The following ATL2 variants were observed in gnomAD, a reference collection of about 807,000 sequenced individuals.
ATL2 encodes atlastin-2.
A neutral mutation model predicts 73.9 loss-of-function variants in ATL2; 31 were observed. The ratio of observed to expected loss-of-function variants is 0.42; its 90% CI spans 0.32 to 0.57. The LOEUF (loss-of-function observed/expected upper bound fraction) is 0.57, where lower values mean the gene tolerates loss of function less well. Ranked by LOEUF, ATL2 falls within the 20% of genes least tolerant of loss-of-function variation. The pLI, the probability that ATL2 is intolerant of heterozygous loss-of-function variation, is 0.14. For synonymous variants in ATL2, 291 were observed against 237.5 expected, an observed-to-expected ratio of 1.23 and a Z score of -2.07; for missense variants, 738 against 702.6, an observed-to-expected ratio of 1.05 and a Z score of -0.57.
chr2:38,376,311 G>T (rs763545397), intron 1 of ATL2: 51 of 1,278,676 alleles, frequency 4.0e-5, no homozygotes, highest in Non-Finnish European at 4.9e-5. Flanking sequence ...CGTCTTCGAG[G>T]GGGCAGGGGC....
chr2:38,369,587 ATTT>A (rs1047482576), intron 1 of ATL2, among the ~76,000 whole-genome samples: 1 of 146,142 alleles, frequency 6.8e-6, no homozygotes, highest in Admixed American at 6.8e-5. Flanking sequence ...TGCTCGGCCA[ATTT>A]TTTTTTTTTA....
chr2:38,372,264 C>A (rs1671734848), intron 1 of ATL2, among the ~76,000 whole-genome samples: 1 of 151,680 alleles, frequency 6.6e-6, no homozygotes, highest in Middle Eastern at 3.2e-3. Flanking sequence ...ATTCAACCAA[C>A]CAGGAATAGA....
chr2:38,325,286 G>A (rs1668535303), intron 2 of ATL2, among the ~76,000 whole-genome samples: 1 of 152,036 alleles, frequency 6.6e-6, no homozygotes, highest in Non-Finnish European at 1.5e-5. Flanking sequence ...GAGATCACAG[G>A]TCAAACCATC....
chr2:38,315,381 A>C, intron 4 of ATL2, 47 bp from the exon 5 acceptor site: 1 of 1,481,032 alleles, frequency 6.8e-7, no homozygotes, highest in Non-Finnish European at 8.9e-7. Flanking sequence ...TTTTGTTCTG[A>C]ATACCCAGCT....
intron 1 of ATL2, among the ~76,000 whole-genome samples, chr2:38,374,510 T>C (rs1671856493): frequency 6.6e-6 from 1 of 152,228 alleles, no homozygotes. Context: ...TGTAAAGCTC[T>C]AAACCACCAT....
intron 2 of ATL2, among the ~76,000 whole-genome samples, chr2:38,336,686 A>C (rs145019191): frequency 6.7e-4 from 102 of 152,356 alleles, no homozygotes; most frequent in African/African-American, 2.3e-3. Flanking sequence ...CAAATTGCCT[A>C]GTCTCGAATT....
At chr2:38,368,989 C>A (rs757576634) in intron 1 of ATL2, among the ~76,000 whole-genome samples, 2 of 152,156 alleles carry the variant, frequency 1.3e-5, no homozygotes, top group Non-Finnish European at 1.5e-5. Flanking sequence ...CAACTACAAT[C>A]AAAAAATTGC....
chr2:38,312,016 TAAAAG>T (rs1667781133), intron 7 of ATL2, among the ~76,000 whole-genome samples: 1 of 152,190 alleles, frequency 6.6e-6, no homozygotes, highest in Non-Finnish European at 1.5e-5. Context: ...ATTTTAAAAC[TAAAAG>T]AAAATTATAT....
At chr2:38,371,529 T>A (rs553013355) in intron 1 of ATL2, among the ~76,000 whole-genome samples, 3 of 151,074 alleles carry the variant, frequency 2.0e-5, no homozygotes, top group East Asian at 2.0e-4. Context: ...ACAAAATTTT[T>A]AAAAAAATTA....
chr2:38,332,577 C>T (rs2034359), intron 2 of ATL2, among the ~76,000 whole-genome samples: 64,070 of 152,058 alleles, frequency 0.42, 15,721 homozygotes, highest in African/African-American at 0.69. Context: ...ACCACTGAAC[C>T]GCACACTTTA....
chr2:38,297,169 T>C (rs1666941645), intron 12 of ATL2, among the ~76,000 whole-genome samples: 1 of 152,158 alleles, frequency 6.6e-6, no homozygotes, highest in South Asian at 2.1e-4. Context: ...GGTCACTTTA[T>C]AAAATAACAT....
chr2:38,342,730 A>T (rs1669795342), intron 2 of ATL2, among the ~76,000 whole-genome samples: 1 of 152,184 alleles, frequency 6.6e-6, no homozygotes, highest in Non-Finnish European at 1.5e-5. Context: ...GATAAACAGT[A>T]CTTCAGAGAC....
chr2:38,345,372 T>G (rs1462897686), intron 1 of ATL2, among the ~76,000 whole-genome samples: 2 of 152,316 alleles, frequency 1.3e-5, no homozygotes, highest in East Asian at 3.9e-4. Context: ...ATTAGTGGAT[T>G]TTTAATCTTA....
At chr2:38,314,989 G>A (rs996706365) in intron 5 of ATL2, among the ~76,000 whole-genome samples, 7 of 152,174 alleles carry the variant, frequency 4.6e-5, no homozygotes, top group Non-Finnish European at 8.8e-5. Context: ...AGCGGCTCAC[G>A]CCGGGTAATC....
chr2:38,336,883 T>A (rs958122087), intron 2 of ATL2, among the ~76,000 whole-genome samples: 1 of 152,190 alleles, frequency 6.6e-6, no homozygotes, highest in African/African-American at 2.4e-5. Context: ...TGCTTCCTAA[T>A]GGAAGAATAC....
chr2:38,351,251 G>C (rs960605227), intron 1 of ATL2, among the ~76,000 whole-genome samples: 1 of 152,014 alleles, frequency 6.6e-6, no homozygotes, highest in African/African-American at 2.4e-5. Context: ...CAGTATCTAA[G>C]TATTCAAGTT....
intron 1 of ATL2, among the ~76,000 whole-genome samples, chr2:38,367,281 A>T (rs1245361579): frequency 6.6e-6 from 1 of 152,142 alleles, no homozygotes; most frequent in African/African-American, 2.4e-5. Flanking sequence ...GACAATAAAA[A>T]GAGATACGAA....
chr2:38,311,226 G>A (rs1381259543), intron 7 of ATL2, among the ~76,000 whole-genome samples: 1 of 152,068 alleles, frequency 6.6e-6, no homozygotes, highest in Non-Finnish European at 1.5e-5. Flanking sequence ...CCTTAGAAAT[G>A]TGTTAGAATT....
At chr2:38,333,837 T>C (rs1271183337) in intron 2 of ATL2, among the ~76,000 whole-genome samples, 1 of 152,174 alleles carries the variant, frequency 6.6e-6, no homozygotes, top group Non-Finnish European at 1.5e-5. Flanking sequence ...AACACTTCCA[T>C]CTCGTTTATT....
Sources: gnomAD v4.1 joint callset for allele counts (sites outside exome capture counted in the v4.1 genomes callset) on GRCh38, gnomAD v4.1.1 for gene constraint, MANE v1.5 for transcripts, NCBI Gene and HGNC (gene_info 2026-07-23, HGNC 2026-07-21) for gene names.